Variants in NKTR observed in about 807,000 individuals in gnomAD.
NKTR encodes NK-tumor recognition protein.
A neutral mutation model predicts 156.3 loss-of-function variants in NKTR; 67 were observed. That is an observed-to-expected ratio of 0.43 (90% confidence interval 0.35 to 0.53). The LOEUF (loss-of-function observed/expected upper bound fraction) is 0.53. Ranked by LOEUF, NKTR falls within the 20% of genes least tolerant of loss-of-function variation. The pLI is 0.01. For missense variants in NKTR, 1,604 were observed against 1,730.9 expected (o/e 0.93, Z 1.30); for synonymous variants, 640 against 596.6 (o/e 1.07, Z -1.06).
intron 8 of NKTR, 41 bp from the exon 9 acceptor site, chr3:42,632,560 C>T (rs778910108): frequency 7.8e-7 from 1 of 1,277,184 alleles, no homozygotes; most frequent in African/African-American, 1.5e-5. Context: ...AAGGTAGGCA[C>T]TGAATTTAGT....
At chr3:42,617,930 C>G (rs1170242539) in intron 3 of NKTR, among the ~76,000 whole-genome samples, 1 of 151,920 alleles carries the variant, frequency 6.6e-6, no homozygotes, top group Non-Finnish European at 1.5e-5. Context: ...AGCACACATT[C>G]AAAACTGATT....
At chr3:42,633,507 A>T in intron 9 of NKTR, 73 bp from the exon 10 acceptor site, 1 of 1,545,826 alleles carries the variant, frequency 6.5e-7, no homozygotes, top group Non-Finnish European at 8.7e-7. Flanking sequence ...TTGTTTTAGT[A>T]ACTAATTTTA....
chr3:42,615,087 T>G lies in NKTR; in HGVS notation c.59-2483T>G, dbSNP rs1707220733. Among the ~76,000 whole-genome samples the G allele has an allele frequency of 2.0e-5, 3 of 151,662 alleles. No homozygotes were observed. The South Asian group carries it at 6.2e-4, about 32-fold the overall frequency. On this transcript the variant is annotated intron_variant, in intron 2 of 16. Coordinates refer to ENST00000232978, the MANE Select transcript of NKTR (RefSeq NM_005385.4). ...AGAGGTGAGATTTGTTTTTTCTTTT[T>G]TTTTTTTTTAAGATGGAATCTTACT...
intron 5 of NKTR, 86 bp downstream of exon 5, chr3:42,619,794 C>T: frequency 6.4e-7 from 1 of 1,552,598 alleles, no homozygotes; most frequent in Non-Finnish European, 8.7e-7. Context: ...AAGAGGTTTA[C>T]TTATAGTTCA....
Position 42,638,588 on chromosome 3 carries a change from G to C in NKTR, c.2884G>C (p.Gly962Arg). The change falls in exon 13 of 17, where the codon GGG (glycine) becomes CGG (arginine). Residue 962 changes from glycine to arginine, a missense_variant. Coordinates refer to ENST00000232978, the MANE Select transcript of NKTR (RefSeq NM_005385.4). Reference protein sequence around the residue: ...KQRTSTSDSEGSCSNSENNRG... With the variant: ...KQRTSTSDSERSCSNSENNRG... ...GCGCACATCAACTTCTGACTCTGAG[G>C]GGTCCTGTTCCAATTCGGAAAACAA... The C allele has an allele frequency of 6.2e-7, 1 of 1,614,040 alleles. No individual in the cohort carries two copies. The highest frequency in any genetic ancestry group is 8.5e-7 in the Non-Finnish European group (1 of 1,180,018).
intron 6 of NKTR, among the ~76,000 whole-genome samples, chr3:42,621,854 A>G (rs571556824): frequency 1.7e-4 from 26 of 152,094 alleles, no homozygotes; most frequent in African/African-American, 5.8e-4. Context: ...ATTGATGAAC[A>G]TGTAAAAATT....
At chr3:42,620,203 T>C in intron 5 of NKTR, 1 of 1,278,080 alleles carries the variant, frequency 7.8e-7, no homozygotes, top group Non-Finnish European at 9.9e-7. Context: ...TCTGTATCTT[T>C]TTTCATTTCC....
At chr3:42,615,040 G>T (rs991820327) in intron 2 of NKTR, among the ~76,000 whole-genome samples, 1 of 151,502 alleles carries the variant, frequency 6.6e-6, no homozygotes, top group Non-Finnish European at 1.5e-5. Context: ...TTTTGCTCCA[G>T]GCTAGAAGAG....
At chr3:42,608,954 T>G (rs1218205704) in intron 2 of NKTR, among the ~76,000 whole-genome samples, 1 of 152,040 alleles carries the variant, frequency 6.6e-6, no homozygotes, top group Non-Finnish European at 1.5e-5. Flanking sequence ...GGTGAAACCC[T>G]GACCACTAAA....
intron 11 of NKTR, chr3:42,634,989 C>A (rs1284817244): frequency 8.9e-6 from 4 of 448,774 alleles, no homozygotes; most frequent in Non-Finnish European, 1.6e-5. Context: ...TGAATCTCAG[C>A]CTTGCCCATC....
In NKTR at chr3:42,637,942, T is replaced by C. The variant is rs763435440; in HGVS notation, c.2238T>C (p.Ser746=). 3.1e-6 allele frequency: 5 copies of C among 1,613,714 alleles called. No individual in the cohort carries two copies. Among genetic ancestry groups the C allele is most frequent in the Non-Finnish European group, 2.5e-6 (3 of 1,179,642 alleles). ...SQCSRSSSYT[S]ISSDDGRRAK... is the part of the protein sequence containing the mutation. ...GTAGTAGATCATCTTCATATACTTCTATTAGCAGTGATGATGGAAGGCGAG... is the reference window on the plus strand; with the variant it reads ...GTAGTAGATCATCTTCATATACTTCCATTAGCAGTGATGATGGAAGGCGAG... Residue 746 remains serine (S), a synonymous_variant, in exon 13 of 17, where the codon TCT becomes TCC. Coordinates refer to ENST00000232978, the MANE Select transcript of NKTR (RefSeq NM_005385.4).
intron 13 of NKTR, 140 bp from the exon 14 acceptor site, chr3:42,642,361 C>T (rs1317552144): frequency 7.3e-6 from 4 of 544,886 alleles, no homozygotes; most frequent in African/African-American, 3.8e-5. Flanking sequence ...CATTAGCTGA[C>T]ACTGTCATAT....
chr3:42,617,678 G>A, intron 3 of NKTR, 34 bp downstream of exon 3: 1 of 1,178,892 alleles, frequency 8.5e-7, no homozygotes, highest in Non-Finnish European at 1.3e-6. Flanking sequence ...GAGAAGCTGT[G>A]GCTTACAGTT....
At chr3:42,609,041 T>C (rs139979463) in intron 2 of NKTR, among the ~76,000 whole-genome samples, 88 of 151,994 alleles carry the variant, frequency 5.8e-4, no homozygotes, top group Middle Eastern at 3.4e-3. Flanking sequence ...GGCAGGAGAA[T>C]TGCTTGAACC....
At chr3:42,641,016 G>A (rs945972802) in intron 13 of NKTR, among the ~76,000 whole-genome samples, 2 of 152,206 alleles carry the variant, frequency 1.3e-5, no homozygotes, top group Non-Finnish European at 2.9e-5. Context: ...GCCTTGGAGT[G>A]GGTGGTATTT....
At chr3:42,618,130 C>T (rs1401409694) in intron 3 of NKTR, among the ~76,000 whole-genome samples, 1 of 151,982 alleles carries the variant, frequency 6.6e-6, no homozygotes, top group East Asian at 1.9e-4. Context: ...GCAGGTGGAT[C>T]ACCTGAGGTC....
chr3:42,623,468 GC>G (rs1708102796), intron 6 of NKTR, among the ~76,000 whole-genome samples: 2 of 152,020 alleles, frequency 1.3e-5, no homozygotes, highest in South Asian at 4.2e-4. Context: ...CTTTCTTTAT[GC>G]TGGCTAGAAA....
At chr3:42,621,543 C>T in intron 6 of NKTR, 27 bp downstream of exon 6, 1 of 1,599,922 alleles carries the variant, frequency 6.3e-7, no homozygotes, top group Non-Finnish European at 8.5e-7. Context: ...CAGAGATGAG[C>T]TTTTCTTAAA....
intron 16 of NKTR, 123 bp downstream of exon 16, chr3:42,644,126 T>C: frequency 1.7e-6 from 1 of 605,950 alleles, no homozygotes; most frequent in Non-Finnish European, 2.9e-6. Context: ...CAGAAATACT[T>C]CTTCCTTTAA....
Sources: allele counts gnomAD v4.1 joint callset (sites outside exome capture counted in the v4.1 genomes callset), GRCh38; gene constraint gnomAD v4.1.1; transcripts MANE v1.5; gene names NCBI Gene and HGNC (gene_info 2026-07-23, HGNC 2026-07-21).